SLC7A14: variants seen among roughly 807,000 people sequenced by gnomAD.
SLC7A14 encodes the protein gamma-aminobutyric acid transporter SLC7A14.
SLC7A14 carries 37 observed loss-of-function variants against 60.2 expected under a neutral mutation model. That is an observed-to-expected ratio of 0.61 (90% CI 0.47 to 0.81). The LOEUF (loss-of-function observed/expected upper bound fraction) is 0.81. Ranked by LOEUF, SLC7A14 falls within the 30% of genes least tolerant of loss-of-function variation. The pLI is 0.00. For synonymous variants in SLC7A14, 399 were observed against 395.8 expected, an observed-to-expected ratio of 1.01 and a Z score of -0.10; for missense variants, 886 against 982.7, an observed-to-expected ratio of 0.90 and a Z score of 1.32.
At position 170,532,991 on chromosome 3, in the gene SLC7A14, C is replaced by G. The variant is rs1713724930; in HGVS notation, c.-152-5903G>C. Among the ~76,000 whole-genome samples, 1 of 152,136 alleles carries G rather than the reference C, an allele frequency of 6.6e-6. No homozygotes were observed. The highest frequency in any genetic ancestry group is 1.5e-5 in the Non-Finnish European group (1 of 68,018). ...TCCTCTCATTCTTCTATACTTTTGA[C>G]TTTTTTCCCCAAGATGCACACATAC... On this transcript the variant is annotated intron_variant, in intron 1 of 7. Transcript: ENST00000231706. This position sits in a 1 kb window ranked among gnomAD's most constrained non-coding sequence, Gnocchi z 4.0.
intron 1 of SLC7A14, among the ~76,000 whole-genome samples, chr3:170,538,362 G>A (rs1036219598): frequency 6.6e-6 from 1 of 152,082 alleles, no homozygotes; most frequent in African/African-American, 2.4e-5. Context: ...TGTGGGGGCT[G>A]GCCACCTGTT....
intron 4 of SLC7A14, among the ~76,000 whole-genome samples, chr3:170,492,120 C>T (rs180745989): frequency 2.6e-4 from 39 of 152,240 alleles, no homozygotes; most frequent in East Asian, 1.9e-4. Flanking sequence ...CCGTTTTCTA[C>T]GTCACTCTAT....
intron 1 of SLC7A14, among the ~76,000 whole-genome samples, chr3:170,555,402 T>A (rs1714460087): frequency 6.6e-6 from 1 of 152,192 alleles, no homozygotes; most frequent in Non-Finnish European, 1.5e-5. Context: ...CTTATCATTA[T>A]ATTAAGAACA....
At chr3:170,553,432 A>C (rs1324769789) in intron 1 of SLC7A14, among the ~76,000 whole-genome samples, 1 of 152,192 alleles carries the variant, frequency 6.6e-6, no homozygotes, top group Non-Finnish European at 1.5e-5. Context: ...AATTTTAGGG[A>C]GTAAGGGAAA....
At chr3:170,495,184 T>C (rs951892837) in intron 4 of SLC7A14, among the ~76,000 whole-genome samples, 1 of 152,238 alleles carries the variant, frequency 6.6e-6, no homozygotes, top group Non-Finnish European at 1.5e-5. Flanking sequence ...TCCAAGATTT[T>C]GCTGTTTTTT....
At chr3:170,467,474 C>T (rs1415537147) in intron 7 of SLC7A14, 97 bp from the exon 8 acceptor site, 18 of 42,794 alleles carry the variant, frequency 4.2e-4, no homozygotes, top group African/African-American at 5.6e-4. Context: ...TCAAAGCTGG[C>T]GGGGTGGGGG....
intron 1 of SLC7A14, among the ~76,000 whole-genome samples, chr3:170,565,383 C>T (rs551263376): frequency 2.6e-5 from 4 of 152,256 alleles, no homozygotes; most frequent in African/African-American, 9.6e-5. Flanking sequence ...TGGATTTGAG[C>T]AGGCTAAAGT....
At position 170,532,859 on chromosome 3, in the gene SLC7A14, T is replaced by C. The variant is rs1713721762; in HGVS notation, c.-152-5771A>G. ...ACCTGGTACTTCCACTCCAAGGGAT[T>C]CTTATTTACCTTTCTCAAACTTGTG... On this transcript the variant is annotated intron_variant, in intron 1 of 7. Coordinates refer to ENST00000231706, the MANE Select transcript of SLC7A14 (RefSeq NM_020949.3). This position sits in a 1 kb window ranked among gnomAD's most constrained non-coding sequence, Gnocchi z 4.0. Among the ~76,000 whole-genome samples the C allele has an allele frequency of 6.6e-6, 1 of 152,158 alleles. No homozygotes were observed. Among genetic ancestry groups the C allele is most frequent in the South Asian group, 2.1e-4 (1 of 4,828 alleles).
At chr3:170,502,983 A>G (rs1169949676) in intron 2 of SLC7A14, 2 of 152,212 alleles carry the variant, frequency 1.3e-5, no homozygotes, top group Non-Finnish European at 2.9e-5. Context: ...TCCATCTGTT[A>G]TATTGAACTT....
chr3:170,480,340 G>T lies in SLC7A14; in HGVS notation c.1942C>A (p.Leu648Ile). 6.3e-7 allele frequency: 1 copy of T among 1,578,874 alleles called. No individual in the cohort carries two copies. Among genetic ancestry groups the T allele is most frequent in the South Asian group, 1.2e-5 (1 of 84,814 alleles). ...FAMLVNIYLM[L>I]KLSTITWIRF... Reference sequence around the variant, plus strand: ...ATCCATGTGATGGTGGAGAGCTTTAGCATGAGATAGATGTTCACCAGCATG... The same window carrying T: ...ATCCATGTGATGGTGGAGAGCTTTATCATGAGATAGATGTTCACCAGCATG... Residue 648 changes from leucine (L) to isoleucine (I), a missense_variant, in exon 7 of 8, where the codon CTA becomes ATA. Coordinates refer to ENST00000231706, the MANE Select transcript of SLC7A14 (RefSeq NM_020949.3).
chr3:170,512,765 G>GC (rs1253915319), intron 2 of SLC7A14, among the ~76,000 whole-genome samples: 1 of 138,932 alleles, frequency 7.2e-6, no homozygotes, highest in Non-Finnish European at 1.5e-5. Flanking sequence ...CCGGGTTCAC[G>GC]CCATTCTCCT....
chr3:170,550,234 A>C (rs1258730470), intron 1 of SLC7A14, among the ~76,000 whole-genome samples: 1 of 152,244 alleles, frequency 6.6e-6, no homozygotes, highest in Non-Finnish European at 1.5e-5. Flanking sequence ...AAGAAAAATC[A>C]ATATAGTGCA....
chr3:170,554,262 C>T (rs553948652), intron 1 of SLC7A14, among the ~76,000 whole-genome samples: 26 of 152,342 alleles, frequency 1.7e-4, no homozygotes, highest in Admixed American at 1.5e-3. Flanking sequence ...ACATCTTCCA[C>T]TGCACAGCCA....
intron 1 of SLC7A14, among the ~76,000 whole-genome samples, chr3:170,538,753 C>T (rs371323780): frequency 9.5e-4 from 144 of 152,320 alleles, no homozygotes; most frequent in African/African-American, 2.9e-3. Flanking sequence ...AGCTCTCAGG[C>T]TGGCCTGCAA....
intron 1 of SLC7A14, among the ~76,000 whole-genome samples, chr3:170,543,647 A>G (rs1714086193): frequency 6.6e-6 from 1 of 152,034 alleles, no homozygotes; most frequent in South Asian, 2.1e-4. Context: ...CCATCTCAAA[A>G]GAAAAAAAAC....
chr3:170,501,020 A>G (rs567284969), intron 3 of SLC7A14, 89 bp downstream of exon 3: 155 of 1,260,594 alleles, frequency 1.2e-4, no homozygotes, highest in Non-Finnish European at 1.5e-4. Context: ...CTTTTGATAC[A>G]TTTTGCCAAA....
At chr3:170,507,426 G>A (rs866345987) in intron 2 of SLC7A14, among the ~76,000 whole-genome samples, 8 of 152,184 alleles carry the variant, frequency 5.3e-5, no homozygotes, top group Non-Finnish European at 7.3e-5. Flanking sequence ...TGCGGTGAGC[G>A]TGGTTCTTAG....
At chr3:170,530,273 T>C (rs1431241042) in intron 1 of SLC7A14, among the ~76,000 whole-genome samples, 2 of 152,180 alleles carry the variant, frequency 1.3e-5, no homozygotes, top group Non-Finnish European at 2.9e-5. Context: ...AGGGAAATGC[T>C]CCTCACATTG....
Position 170,486,299 on chromosome 3 carries a change from C to T in SLC7A14, c.829G>A (p.Glu277Lys). 1 of 1,614,234 alleles carries T rather than the reference C, an allele frequency of 6.2e-7. No homozygotes were observed. Reference protein sequence around the residue: ...GFDIIATTGEEAKNPNTSIPY... With the variant: ...GFDIIATTGEKAKNPNTSIPY... ...ATGGACGTGTTGGGATTCTTGGCTTCCTCTCCAGTGGTGGCGATGATGTCA... is the reference window on the plus strand; with the variant it reads ...ATGGACGTGTTGGGATTCTTGGCTTTCTCTCCAGTGGTGGCGATGATGTCA... Residue 277 changes from glutamate (E) to lysine (K), a missense_variant, in exon 5 of 8, where the codon GAA becomes AAA. Physicochemically the swap from Glu to Lys is moderately conservative, Grantham distance 56. Transcript: ENST00000231706.
Sources: gnomAD v4.1 joint callset for allele counts (sites outside exome capture counted in the v4.1 genomes callset) on GRCh38, gnomAD v4.1.1 for gene constraint, Gnocchi (gnomAD v3.1) non-coding constraint, MANE v1.5 for transcripts, NCBI Gene and HGNC (gene_info 2026-07-23, HGNC 2026-07-21) for gene names.